The following NWD1 variants were observed in gnomAD, a reference collection of about 807,000 sequenced individuals.
NWD1 encodes the protein NACHT and WD repeat domain containing 1.
Under a neutral mutation model 135.1 loss-of-function variants are expected in NWD1, and 129 were observed. The ratio of observed to expected loss-of-function variants is 0.96; its 90% CI spans 0.83 to 1.11. The LOEUF is 1.11. Ranked by LOEUF, NWD1 falls within the 50% of genes least tolerant of loss-of-function variation. The pLI is 0.00. For synonymous variants in NWD1, 773 were observed against 786.0 expected (o/e 0.98, Z 0.28); for missense variants, 1,740 against 1,851.3 (o/e 0.94, Z 1.10).
intron 17 of NWD1, 28 bp downstream of exon 17, chr19:16,800,190 TTG>T (rs1440775336): frequency 2.9e-5 from 45 of 1,573,408 alleles, no homozygotes; most frequent in Non-Finnish European, 3.6e-5. Context: ...ATGGTCATTT[TTG>T]TGGGTAAGGC....
intron 15 of NWD1, among the ~76,000 whole-genome samples, chr19:16,795,860 C>T (rs1032867354): frequency 1.3e-5 from 2 of 152,158 alleles, no homozygotes; most frequent in African/African-American, 4.8e-5. Flanking sequence ...AGCAGCTTCC[C>T]TCTGCCATCA....
chr19:16,731,686 C>T (rs187073745), intron 3 of NWD1, among the ~76,000 whole-genome samples: 2 of 151,116 alleles, frequency 1.3e-5, no homozygotes, highest in African/African-American at 4.9e-5. Flanking sequence ...CTCACTGCAA[C>T]CTTGGCCTCC....
chr19:16,742,481 C>T (rs1419766079), intron 4 of NWD1, among the ~76,000 whole-genome samples: 2 of 152,000 alleles, frequency 1.3e-5, no homozygotes, highest in African/African-American at 2.4e-5. Flanking sequence ...CCGTGGTCAG[C>T]CCTTAAGCCA....
chr19:16,730,053 G>C (rs1267037232), intron 2 of NWD1, among the ~76,000 whole-genome samples: 2 of 152,190 alleles, frequency 1.3e-5, no homozygotes, highest in Non-Finnish European at 2.9e-5. Flanking sequence ...GCCGGGCGCA[G>C]TGGCTCACGC....
At chr19:16,776,519 G>T (rs1490084204) in intron 11 of NWD1, among the ~76,000 whole-genome samples, 2 of 150,700 alleles carry the variant, frequency 1.3e-5, no homozygotes, top group Non-Finnish European at 2.9e-5. Flanking sequence ...AGTGAGCGGA[G>T]ATCGTTCCAC....
Position 16,750,063 on chromosome 19 carries a change from G to A in NWD1, c.1421G>A (p.Gly474Glu), listed in dbSNP as rs775162552. Reference sequence around the variant, plus strand: ...CTCTCAGCTTGCTCGGGGGCACTGGGGGTTTTGGACACCTTGCAGCGGGTG... The same window carrying A: ...CTCTCAGCTTGCTCGGGGGCACTGGAGGTTTTGGACACCTTGCAGCGGGTG... ...LILSACSGAL[G>E]VLDTLQRVLL... Residue 474 changes from glycine (G) to glutamate (E), a missense_variant, in exon 6 of 19, where the codon GGG becomes GAG. Transcript: ENST00000524140. 3.1e-6 allele frequency: 5 copies of A among 1,613,884 alleles called. No homozygotes were observed. The highest frequency in any genetic ancestry group is 4.2e-6 in the Non-Finnish European group (5 of 1,179,994).
intron 18 of NWD1, among the ~76,000 whole-genome samples, chr19:16,811,141 A>G (rs952749733): frequency 6.6e-5 from 10 of 152,228 alleles, no homozygotes; most frequent in African/African-American, 9.6e-5. Flanking sequence ...GAATCTTACC[A>G]GCTTTTCAAT....
chr19:16,732,790 A>G (rs991211103), intron 3 of NWD1, among the ~76,000 whole-genome samples: 2 of 151,940 alleles, frequency 1.3e-5, no homozygotes, highest in Non-Finnish European at 2.9e-5. Context: ...ATGCAGCGCT[A>G]TCCCTGGCTA....
At chr19:16,741,291 T>TC (rs1403121787) in intron 4 of NWD1, among the ~76,000 whole-genome samples, 14 of 151,864 alleles carry the variant, frequency 9.2e-5, no homozygotes, top group African/African-American at 3.1e-4. Context: ...CACATGCTGC[T>TC]CCCCCTGCCT....
intron 18 of NWD1, among the ~76,000 whole-genome samples, chr19:16,810,745 G>C: frequency 1.3e-5 from 2 of 152,206 alleles, no homozygotes; most frequent in East Asian, 3.9e-4. Flanking sequence ...CCTGGATGAC[G>C]ATACAAGATT....
At chr19:16,748,870 G>A (rs950001288) in intron 5 of NWD1, among the ~76,000 whole-genome samples, 5 of 151,988 alleles carry the variant, frequency 3.3e-5, no homozygotes, top group African/African-American at 1.2e-4. Flanking sequence ...GGCTTAACTA[G>A]TGTAACTCTG....
At chr19:16,813,816 C>T (rs541348164) in intron 18 of NWD1, among the ~76,000 whole-genome samples, 4 of 151,816 alleles carry the variant, frequency 2.6e-5, no homozygotes, top group Non-Finnish European at 2.9e-5. Context: ...TTGGAAACAC[C>T]GTGTCTCTTG....
chr19:16,732,654 C>CAAAAAAAAAAAAAAAAA (rs759471981), intron 3 of NWD1, among the ~76,000 whole-genome samples: 7 of 30,318 alleles, frequency 2.3e-4, no homozygotes, highest in African/African-American at 1.2e-3. Flanking sequence ...GACTTCATCT[C>CAAAAAAAAAAAAAAAAA]AAAAAAAAAA....
Position 16,779,429 on chromosome 19 carries a change from G to A in NWD1, c.2695G>A (p.Glu899Lys), listed in dbSNP as rs758844189. The A allele has an allele frequency of 1.2e-6, 2 of 1,613,618 alleles. No homozygotes were observed. Among genetic ancestry groups the A allele is most frequent in the Non-Finnish European group, 1.7e-6 (2 of 1,179,878 alleles). Residue 899 changes from glutamate (E) to lysine (K), a missense_variant, in exon 12 of 19, where the codon GAG becomes AAG. Physicochemically the swap from Glu to Lys is moderately conservative, Grantham distance 56. Transcript: ENST00000524140. ...DGIMAVWDME[E>K]QHVIHMLTGH... is the part of the protein sequence containing the mutation. ...CATCATGGCTGTGTGGGACATGGAA[G>A]AGCAGCATGTGATCCACATGCTAAC... is the stretch of plus-strand genomic sequence containing the variant.
At chr19:16,763,482 C>A (rs1969097701) in intron 8 of NWD1, among the ~76,000 whole-genome samples, 3 of 152,306 alleles carry the variant, frequency 2.0e-5, no homozygotes, top group Non-Finnish European at 4.4e-5. Context: ...CACCTCCAGA[C>A]CTTTGCCCAT....
intron 4 of NWD1, among the ~76,000 whole-genome samples, chr19:16,738,729 TCTATATATA>T: frequency 4.9e-5 from 7 of 142,774 alleles, no homozygotes; most frequent in African/African-American, 1.9e-4. Context: ...ATATATATAA[TCTATATATA>T]ATATATATAT....
intron 11 of NWD1, among the ~76,000 whole-genome samples, chr19:16,778,752 G>A (rs1015686852): frequency 5.9e-5 from 9 of 151,960 alleles, no homozygotes; most frequent in Non-Finnish European, 1.2e-4. Context: ...CAAGTGATCC[G>A]CCCACCTCGG....
intron 4 of NWD1, among the ~76,000 whole-genome samples, chr19:16,739,877 T>C (rs1040129492): frequency 2.6e-5 from 4 of 152,174 alleles, no homozygotes; most frequent in Non-Finnish European, 5.9e-5. Flanking sequence ...ATCCCACAGA[T>C]TGGAGCAGTT....
Position 16,765,202 on chromosome 19 carries a change from G to A in NWD1, c.2410+10G>A. ...GAGCTCCGAGGCATGGGTGAGTCCA[G>A]ATGGCCTGGATAGGAGTGACCAGGA... On this transcript the variant is annotated intron_variant, in intron 10 of 18. Transcript: ENST00000524140. The A allele has an allele frequency of 6.2e-7, 1 of 1,613,770 alleles. No homozygotes were observed. The highest frequency in any genetic ancestry group is 8.5e-7 in the Non-Finnish European group (1 of 1,179,894).
Sources: allele counts gnomAD v4.1 joint callset (sites outside exome capture counted in the v4.1 genomes callset), GRCh38; gene constraint gnomAD v4.1.1; transcripts MANE v1.5; gene names NCBI Gene and HGNC (gene_info 2026-07-23, HGNC 2026-07-21).